TTBK2: variants seen among roughly 807,000 people sequenced by gnomAD.
TTBK2 encodes tau tubulin kinase 2, also known as tau-tubulin kinase 2.
TTBK2 carries 28 observed loss-of-function variants against 110.8 expected under a neutral mutation model. The observed-to-expected ratio is 0.25, with a 90% CI of 0.19 to 0.35. TTBK2 has a LOEUF of 0.35. Ranked by LOEUF, TTBK2 falls within the 10% of genes least tolerant of loss-of-function variation. The probability of loss-of-function intolerance (pLI) is 1.00; values close to 1 mark genes in which losing one functional copy is unlikely to be tolerated. For synonymous variants in TTBK2, 532 were observed against 527.3 expected, an observed-to-expected ratio of 1.01 and a Z score of -0.12; for missense variants, 1,369 against 1,500.3, an observed-to-expected ratio of 0.91 and a Z score of 1.45.
intron 6 of TTBK2, among the ~76,000 whole-genome samples, chr15:42,819,004 G>A (rs533787415): frequency 1.3e-5 from 2 of 150,846 alleles, no homozygotes; most frequent in East Asian, 3.9e-4. Flanking sequence ...TCAGTACCCT[G>A]ACGATTCGTG....
chr15:42,898,050 G>C (rs1042195713), intron 1 of TTBK2, among the ~76,000 whole-genome samples: 4 of 152,060 alleles, frequency 2.6e-5, no homozygotes, highest in African/African-American at 7.2e-5. Flanking sequence ...AATTAGCCAG[G>C]TGTGATGGTG....
chr15:42,878,778 T>C (rs780378513), intron 1 of TTBK2, 94 bp from the exon 2 acceptor site: 4 of 1,439,842 alleles, frequency 2.8e-6, no homozygotes, highest in East Asian at 2.5e-5. Context: ...ACTAATACTA[T>C]ACACTAATTA....
chr15:42,800,018 A>C (rs533479838), intron 9 of TTBK2, among the ~76,000 whole-genome samples: 2 of 152,058 alleles, frequency 1.3e-5, no homozygotes, highest in African/African-American at 4.8e-5. Flanking sequence ...GGATTACTTG[A>C]GCCCGAGGAG....
intron 3 of TTBK2, among the ~76,000 whole-genome samples, chr15:42,855,786 G>A (rs780335883): frequency 6.6e-6 from 1 of 152,178 alleles, no homozygotes; most frequent in Middle Eastern, 3.2e-3. Context: ...CCGGGTTCAC[G>A]CCATTCTCCT....
chr15:42,801,522 C>T, intron 9 of TTBK2: 1 of 766,748 alleles, frequency 1.3e-6, no homozygotes, highest in Non-Finnish European at 2.4e-6. Context: ...CACAGGTCAT[C>T]CCCATGCTTC....
intron 10 of TTBK2, 50 bp from the exon 11 acceptor site, chr15:42,783,685 A>T: frequency 2.3e-6 from 3 of 1,277,594 alleles, no homozygotes; most frequent in Non-Finnish European, 3.4e-6. Context: ...TTACTATGAG[A>T]CTATCTTACA....
intron 13 of TTBK2, among the ~76,000 whole-genome samples, chr15:42,760,399 AAAAAC>A (rs1177253363): frequency 8.3e-5 from 12 of 144,954 alleles, no homozygotes; most frequent in African/African-American, 3.4e-4. Context: ...AAAAAAAAAA[AAAAAC>A]AAAAAAAGAA....
chr15:42,851,109 G>A lies in TTBK2; in HGVS notation c.218-10676C>T, dbSNP rs546061366. On this transcript the variant is annotated intron_variant, in intron 3 of 14. Coordinates refer to ENST00000267890, the MANE Select transcript of TTBK2 (RefSeq NM_173500.4). ...AAAAAAATAAAAAAATTAGCCGGTC[G>A]TGGTGGTGGGCGCCTGTAGTCCCAG... 2.6e-5 allele frequency among the ~76,000 whole-genome samples: 4 copies of A among 151,786 alleles called. 1 individual carries two copies. Among genetic ancestry groups the A allele is most frequent in the South Asian group, 4.2e-4 (2 of 4,802 alleles).
intron 1 of TTBK2, among the ~76,000 whole-genome samples, chr15:42,891,116 C>T (rs1723356023): frequency 6.6e-6 from 1 of 151,616 alleles, no homozygotes; most frequent in Non-Finnish European, 1.5e-5. Flanking sequence ...TCAGGTGATC[C>T]ACCCACCTCG....
In TTBK2 at chr15:42,739,249, T is replaced by C. The variant is rs1187537045; in HGVS notation, c.*6546A>G. 3 of 152,070 alleles carry C rather than the reference T, an allele frequency of 2.0e-5. No homozygotes were observed. The highest frequency in any genetic ancestry group is 2.9e-5 in the Non-Finnish European group (2 of 67,990). 9.4% of individuals were successfully genotyped at this position (152,070 alleles called of 1,614,324 possible). On this transcript the variant is annotated 3_prime_UTR_variant, in exon 15 of 15. Coordinates refer to ENST00000267890, the MANE Select transcript of TTBK2 (RefSeq NM_173500.4). ...ACGCCTCTGGAGGTATTTCAAAGAG[T>C]AGTTTCTCATCTCTCTGATTTCAGG... is the stretch of plus-strand genomic sequence containing the variant.
chr15:42,839,059 G>A (rs1237997570), intron 4 of TTBK2, among the ~76,000 whole-genome samples: 3 of 152,132 alleles, frequency 2.0e-5, no homozygotes, highest in Non-Finnish European at 4.4e-5. Context: ...AGTGAGCACA[G>A]TATCCAACAG....
intron 13 of TTBK2, among the ~76,000 whole-genome samples, chr15:42,770,204 C>G (rs1293819079): frequency 6.6e-6 from 1 of 151,964 alleles, no homozygotes; most frequent in Non-Finnish European, 1.5e-5. Context: ...ATGTAACAAA[C>G]CTGCACGTCA....
chr15:42,859,249 G>A (rs1283710149), intron 3 of TTBK2, among the ~76,000 whole-genome samples: 1 of 152,030 alleles, frequency 6.6e-6, no homozygotes, highest in Non-Finnish European at 1.5e-5. Context: ...TGGGACTACA[G>A]GTGCACACCA....
intron 6 of TTBK2, among the ~76,000 whole-genome samples, chr15:42,824,701 A>G (rs954599150): frequency 6.6e-6 from 1 of 152,106 alleles, no homozygotes. Context: ...AACGATGTAC[A>G]CTGGGGACTA....
intron 7 of TTBK2, among the ~76,000 whole-genome samples, chr15:42,816,085 A>AATAAATAAATATATAT (rs1397691949): frequency 1.5e-5 from 1 of 67,470 alleles, no homozygotes; most frequent in African/African-American, 7.6e-5. Flanking sequence ...TAAATAAATA[A>AATAAATAAATATATAT]ATATATATAT....
chr15:42,791,051 TTTTG>T (rs1312011048), intron 10 of TTBK2, among the ~76,000 whole-genome samples: 5 of 152,054 alleles, frequency 3.3e-5, no homozygotes, highest in Non-Finnish European at 7.4e-5. Context: ...GCCTGGCTAA[TTTTG>T]TTTTTGTATT....
chr15:42,760,077 G>C (rs992862664), intron 13 of TTBK2, among the ~76,000 whole-genome samples: 1 of 152,056 alleles, frequency 6.6e-6, no homozygotes, highest in Non-Finnish European at 1.5e-5. Flanking sequence ...AAGAACCAAA[G>C]GAATCTTAGC....
rs2061744003 is a variant in TTBK2 at position 42,740,577 on chromosome 15, C to CG, written c.*5217dup. The CG allele has an allele frequency of 1.5e-5, 2 of 131,122 alleles. No individual in the cohort carries two copies. The highest frequency in any genetic ancestry group is 5.8e-5 in the African/African-American group (2 of 34,600). 8.1% of individuals were successfully genotyped at this position (131,122 alleles called of 1,614,324 possible). Reference sequence around the variant, plus strand: ...CTTTTTTTTTTTTTTTTTTTTGAGACGGAGTCTCACTCTGTCGCCCAGGCT... The same window carrying CG: ...CTTTTTTTTTTTTTTTTTTTTGAGACGGGAGTCTCACTCTGTCGCCCAGGCT... On this transcript the variant is annotated 3_prime_UTR_variant, in exon 15 of 15. Transcript: ENST00000267890.
rs2061739255 is a variant in TTBK2 at position 42,739,789 on chromosome 15, A to C, written c.*6006T>G. On this transcript the variant is annotated 3_prime_UTR_variant, in exon 15 of 15. Coordinates refer to ENST00000267890, the MANE Select transcript of TTBK2 (RefSeq NM_173500.4). ...GGGTAGCTCCCTATAAGTCAAATTC[A>C]AGTTCTGGTAGCCTTGTTTACCCCT... 6.6e-6 allele frequency: 1 copy of C among 152,184 alleles called. No individual in the cohort carries two copies. Among genetic ancestry groups the C allele is most frequent in the Non-Finnish European group, 1.5e-5 (1 of 68,022 alleles). 9.4% of individuals were successfully genotyped at this position (152,184 alleles called of 1,614,324 possible).
Sources: gnomAD v4.1 joint callset for allele counts (sites outside exome capture counted in the v4.1 genomes callset) on GRCh38, gnomAD v4.1.1 for gene constraint, MANE v1.5 for transcripts, NCBI Gene and HGNC (gene_info 2026-07-23, HGNC 2026-07-21) for gene names.